Variants in MCM7 observed in about 807,000 individuals in gnomAD.
The protein encoded by MCM7 is DNA replication licensing factor MCM7.
A neutral mutation model predicts 83.5 loss-of-function variants in MCM7; 95 were observed. The ratio of observed to expected loss-of-function variants is 1.14; its 90% confidence interval spans 0.96 to 1.35. The LOEUF (loss-of-function observed/expected upper bound fraction) is 1.35, where lower values mean the gene tolerates loss of function less well. Ranked by LOEUF, MCM7 falls within the 40% of genes most tolerant of loss-of-function variation. The probability of loss-of-function intolerance (pLI) is 0.00; values close to 1 mark genes in which losing one functional copy is unlikely to be tolerated. For synonymous variants in MCM7, 461 were observed against 352.7 expected (o/e 1.31, Z -3.44); for missense variants, 1,087 against 957.4 (o/e 1.14, Z -1.79).
rs1795730366 is a variant in MCM7 at position 100,097,928 on chromosome 7, G to A, written c.891C>T (p.Tyr297=). Reference sequence around the variant, plus strand: ...TCTTCACAATCCGATGGGCTTCCAGGTAGGTTTCTGAGAGTAAACCCTTGG... The same window carrying A: ...TCTTCACAATCCGATGGGCTTCCAGATAGGTTTCTGAGAGTAAACCCTTGG... ...QVVQGLLSET[Y]LEAHRIVKMN... The change falls in exon 8 of 15, where the codon TAC becomes TAT. Residue 297 remains tyrosine (Y), a synonymous_variant. Transcript: ENST00000303887. The A allele has an allele frequency of 1.2e-6, 2 of 1,614,118 alleles. No homozygotes were observed. Among genetic ancestry groups the A allele is most frequent in the Non-Finnish European group, 1.7e-6 (2 of 1,180,032 alleles).
At chr7:100,096,874 G>A (rs1017682613) in intron 10 of MCM7, among the ~76,000 whole-genome samples, 9 of 152,172 alleles carry the variant, frequency 5.9e-5, no homozygotes, top group East Asian at 3.9e-4. Context: ...AGGCCGAGGC[G>A]GGCGGATCAC....
chr7:100,101,127 G>T (rs1795998300), intron 1 of MCM7, 137 bp downstream of exon 1: 1 of 1,097,752 alleles, frequency 9.1e-7, no homozygotes, highest in Non-Finnish European at 1.3e-6. Context: ...TAGCCAGGCC[G>T]CAGCTCGACC....
At position 100,095,883 on chromosome 7, in the gene MCM7, T is replaced by A. The variant is rs1795605825; in HGVS notation, c.1486A>T (p.Asn496Tyr). The change falls in exon 11 of 15, where the codon AAC becomes TAC. Residue 496 changes from asparagine (N) to tyrosine (Y), a missense_variant. Transcript: ENST00000303887. Reference protein sequence around the residue: ...AAANPAYGRYNPRRSLEQNIQ... With the variant: ...AAANPAYGRYYPRRSLEQNIQ... ...TTCTGCTCCAGGCTGCGGCGAGGGT[T>A]GTAGCGCCCGTAGGCAGGGTTGGCG... 2 of 1,613,798 alleles carry A rather than the reference T, an allele frequency of 1.2e-6. No homozygotes were observed. The highest frequency in any genetic ancestry group is 4.5e-5 in the East Asian group (2 of 44,878).
chr7:100,094,087 G>A, intron 13 of MCM7, 86 bp downstream of exon 13: 1 of 1,535,116 alleles, frequency 6.5e-7, no homozygotes, highest in Non-Finnish European at 9.0e-7. Flanking sequence ...TGGAGCGGGA[G>A]GTGGGGAGGC....
At chr7:100,100,339 T>A in intron 1 of MCM7, 1 of 1,166,690 alleles carries the variant, frequency 8.6e-7, no homozygotes, top group Non-Finnish European at 1.1e-6. Context: ...GTCCCTACTT[T>A]AGTTTAAAAT....
intron 10 of MCM7, among the ~76,000 whole-genome samples, chr7:100,096,645 C>T (rs767567627): frequency 3.0e-4 from 45 of 151,718 alleles, no homozygotes; most frequent in Admixed American, 7.9e-4. Context: ...TGTGGTGGCA[C>T]GCGCCTGTAG....
chr7:100,093,491 G>C (rs1401255940), intron 13 of MCM7, 90 bp from the exon 14 acceptor site: 1 of 1,202,860 alleles, frequency 8.3e-7, no homozygotes, highest in Non-Finnish European at 1.2e-6. Flanking sequence ...TTAAGGCTGG[G>C]CAGCCCATGG....
In MCM7 at chr7:100,099,601, G is replaced by A; in HGVS notation, c.264C>T (p.Tyr88=). The A allele has an allele frequency of 6.2e-7, 1 of 1,613,950 alleles. No homozygotes were observed. The highest frequency in any genetic ancestry group is 1.1e-5 in the South Asian group (1 of 91,076). ...TCTAACCACTCACTTCCCTCTCCTT[G>A]TACTGAGGCAGCAGCTCTTGTACGG... The part of the protein sequence containing the change: ...ADAVQELLPQ[Y]KEREVVNKDV... Residue 88 remains tyrosine, a synonymous_variant, in exon 3 of 15, where the codon TAC becomes TAT. Transcript: ENST00000303887.
intron 1 of MCM7, chr7:100,100,366 G>A (rs1369022872): frequency 2.7e-6 from 3 of 1,110,408 alleles, no homozygotes; most frequent in Non-Finnish European, 3.3e-6. Flanking sequence ...GCCCTTCCCC[G>A]TTGGCCCCTC....
intron 1 of MCM7, chr7:100,100,423 C>A: frequency 9.7e-7 from 1 of 1,027,510 alleles, no homozygotes. Context: ...CCCTATGATC[C>A]CCCGCCTTCT....
At chr7:100,097,018 G>A (rs1163261285) in intron 10 of MCM7, among the ~76,000 whole-genome samples, 6 of 152,182 alleles carry the variant, frequency 3.9e-5, no homozygotes, top group South Asian at 2.1e-4. Flanking sequence ...GGAGAATGGC[G>A]TGACCCCAGG....
Position 100,100,073 on chromosome 7 carries a change from G to A in MCM7, c.52C>T (p.Gln18Ter). 6.2e-7 allele frequency: 1 copy of A among 1,614,096 alleles called. No individual in the cohort carries two copies. The change falls in exon 2 of 15, where the codon CAA becomes TAA. Residue 18 changes from glutamine to a stop codon, truncating the protein, a stop_gained. Coordinates refer to ENST00000303887, the MANE Select transcript of MCM7 (RefSeq NM_005916.5). LOFTEE classifies it high-confidence loss of function. ...LEKEKVKKFL[Q>*]EFYQDDELGK... is the part of the protein sequence containing the mutation. ...AGTTCATCATCCTGGTAGAACTCTTGTAAGAACTTCTTAACCTTTTCTGTA... is the reference window on the plus strand; with the variant it reads ...AGTTCATCATCCTGGTAGAACTCTTATAAGAACTTCTTAACCTTTTCTGTA...
At chr7:100,097,261 CTG>C (rs1795688843) in intron 10 of MCM7, 38 bp downstream of exon 10, 1 of 1,562,614 alleles carries the variant, frequency 6.4e-7, no homozygotes, top group Non-Finnish European at 8.8e-7. Flanking sequence ...GTGGTCCTGT[CTG>C]TCACTATATT....
At chr7:100,097,469 T>G (rs1795700763) in intron 9 of MCM7, 85 bp from the exon 10 acceptor site, 1 of 1,571,686 alleles carries the variant, frequency 6.4e-7, no homozygotes, top group African/African-American at 1.4e-5. Flanking sequence ...TGCCTACCCC[T>G]AACACCCAGC....
rs1795984470 is a variant in MCM7, at chr7:100,100,982, C to T, written c.31+282G>A. The T allele has an allele frequency of 2.5e-4, 222 of 905,522 alleles. 1 individual carries two copies. In the South Asian group the frequency reaches 3.9e-3, roughly 16 times the overall value. 56.1% of individuals were successfully genotyped at this position (905,522 alleles called of 1,614,324 possible). A position where few individuals can be genotyped will look rare whatever the true frequency, so the allele number is the denominator to read the frequency against. ...CCTGAGGTCCTGGGCGCGACTTTTC[C>T]CTGTGCAGCCCCCAGCCGGGTTAGC... On this transcript the variant is annotated intron_variant, in intron 1 of 14. Coordinates refer to ENST00000303887, the MANE Select transcript of MCM7 (RefSeq NM_005916.5).
intron 1 of MCM7, chr7:100,100,788 G>A (rs1021737823): frequency 6.3e-5 from 63 of 992,860 alleles, no homozygotes; most frequent in Non-Finnish European, 7.3e-5. Flanking sequence ...ACTTCCGCCC[G>A]GCTCCACTTC....
At chr7:100,100,376 C>G in intron 1 of MCM7, 1 of 1,101,346 alleles carries the variant, frequency 9.1e-7, no homozygotes, top group South Asian at 2.5e-5. Context: ...GTTGGCCCCT[C>G]ACACTCCGGT....
chr7:100,094,406 T>C (rs1795509879), intron 12 of MCM7, 65 bp from the exon 13 acceptor site: 1 of 1,578,502 alleles, frequency 6.3e-7, no homozygotes, highest in Non-Finnish European at 8.7e-7. Context: ...TATGAGCCCA[T>C]GTTGTTTTCT....
At chr7:100,100,207 A>C in intron 1 of MCM7, 114 bp from the exon 2 acceptor site, 1 of 1,467,016 alleles carries the variant, frequency 6.8e-7, no homozygotes, top group South Asian at 1.4e-5. Flanking sequence ...ATTTAAATAA[A>C]CCTACCGAAG....
Sources: gnomAD v4.1 joint callset for allele counts (sites outside exome capture counted in the v4.1 genomes callset) on GRCh38, gnomAD v4.1.1 for gene constraint, MANE v1.5 for transcripts, NCBI Gene and HGNC (gene_info 2026-07-23, HGNC 2026-07-21) for gene names.